Variants in PDE11A observed in about 807,000 individuals in gnomAD.
PDE11A encodes phosphodiesterase 11A, also known as dual 3',5'-cyclic-AMP and -GMP phosphodiesterase 11A.
PDE11A carries 100 observed loss-of-function variants against 100.5 expected under a neutral mutation model. That is an observed-to-expected ratio of 1.00 (90% CI 0.85 to 1.18). The LOEUF is 1.18. Among genes scored for constraint, PDE11A ranks in the 50% most tolerant of loss-of-function variants. PDE11A has a pLI of 0.00. For missense variants in PDE11A, 1,141 were observed against 1,152.6 expected (o/e 0.99, Z 0.15); for synonymous variants, 381 against 420.8 (o/e 0.91, Z 1.16).
intron 1 of PDE11A, among the ~76,000 whole-genome samples, chr2:178,041,067 G>A (rs996322571): frequency 5.9e-5 from 9 of 151,890 alleles, no homozygotes; most frequent in Admixed American, 3.9e-4. Flanking sequence ...AGCCTCCCAA[G>A]TAGCTAGAAC....
At chr2:177,887,617 G>A (rs1034563731) in intron 4 of PDE11A, among the ~76,000 whole-genome samples, 1 of 152,084 alleles carries the variant, frequency 6.6e-6, no homozygotes, top group African/African-American at 2.4e-5. Flanking sequence ...AGCTGGATGT[G>A]GTGGTGTGCA....
intron 6 of PDE11A, among the ~76,000 whole-genome samples, chr2:177,829,439 G>C (rs1050502574): frequency 6.6e-6 from 1 of 150,796 alleles, no homozygotes; most frequent in Non-Finnish European, 1.5e-5. Flanking sequence ...ATTAGGGTAT[G>C]ATAGGCAAAA....
At chr2:177,722,500 A>G (rs2081545354) in intron 12 of PDE11A, among the ~76,000 whole-genome samples, 1 of 152,158 alleles carries the variant, frequency 6.6e-6, no homozygotes, top group African/African-American at 2.4e-5. Context: ...TTTTTCTTTT[A>G]TAAAATAAAT....
At chr2:177,839,237 AG>A (rs2083449498) in intron 6 of PDE11A, among the ~76,000 whole-genome samples, 3 of 152,152 alleles carry the variant, frequency 2.0e-5, no homozygotes, top group African/African-American at 7.2e-5. Flanking sequence ...TGGGCTGTGG[AG>A]TTTGAGAGGT....
At chr2:177,753,204 G>A (rs1285112849) in intron 10 of PDE11A, among the ~76,000 whole-genome samples, 1 of 152,164 alleles carries the variant, frequency 6.6e-6, no homozygotes, top group Admixed American at 6.5e-5. Flanking sequence ...CCAACATGTA[G>A]CCTGAAGTGC....
At chr2:177,680,975 A>G (rs950751061) in intron 15 of PDE11A, 72 bp from the exon 16 acceptor site, 1 of 799,586 alleles carries the variant, frequency 1.3e-6, no homozygotes, top group Non-Finnish European at 2.1e-6. Context: ...GTGGGGTGAC[A>G]TAAACACATC....
chr2:177,908,740 T>G (rs763162103), intron 2 of PDE11A, among the ~76,000 whole-genome samples: 8 of 152,134 alleles, frequency 5.3e-5, no homozygotes, highest in Non-Finnish European at 1.2e-4. Context: ...GGTTCCAGTC[T>G]TAGCCCAGTG....
intron 1 of PDE11A, among the ~76,000 whole-genome samples, chr2:178,026,108 C>T (rs1344429850): frequency 6.7e-6 from 1 of 150,278 alleles, no homozygotes; most frequent in East Asian, 1.9e-4. Context: ...TCATCAGAAC[C>T]TAACACAGAC....
intron 12 of PDE11A, among the ~76,000 whole-genome samples, chr2:177,713,026 T>A (rs1272031332): frequency 6.6e-6 from 1 of 152,100 alleles, no homozygotes; most frequent in Non-Finnish European, 1.5e-5. Context: ...ATTTTTTTTT[T>A]AGGAGACAGT....
intron 1 of PDE11A, among the ~76,000 whole-genome samples, chr2:178,016,131 A>ATTTTTTTTTTTTTTTTTTTTTT: frequency 2.4e-5 from 2 of 83,744 alleles, no homozygotes; most frequent in Non-Finnish European, 4.2e-5. Context: ...TGCCTGGCTA[A>ATTTTTTTTTTTTTTTTTTTTTT]TTTTTTTTTT....
Position 177,845,149 on chromosome 2 carries a change from C to A in PDE11A, c.1368-4766G>T, listed in dbSNP as rs1184882157. On this transcript the variant is annotated intron_variant, in intron 5 of 19. Transcript: ENST00000286063. ...GGCGCTCCTCACCTCCCGGACGGGG[C>A]GGCTGGCCGGGCGGGGGGCTGACCC... Among the ~76,000 whole-genome samples the A allele has an allele frequency of 7.3e-3, 1,086 of 148,150 alleles. 11 individuals are homozygous for A. The highest frequency in any genetic ancestry group is 0.025 in the African/African-American group (1,010 of 40,070).
At chr2:177,792,921 T>C (rs2082652876) in intron 9 of PDE11A, among the ~76,000 whole-genome samples, 1 of 152,062 alleles carries the variant, frequency 6.6e-6, no homozygotes. Context: ...AGTAGCAAAA[T>C]GCGAAAGAAA....
In PDE11A at chr2:177,629,495, CACTT is replaced by C. The variant is rs1421369658; in HGVS notation, c.2710_2713del (p.Lys904GlyfsTer23). ...CAGTCGTTTTTGGTGTAGCTCTTCC[CACTT>C]ACTTCTGTTTGTAGCTACTGAATCT... On this transcript the variant is annotated frameshift_variant, in exon 20 of 20. Coordinates refer to ENST00000286063, the MANE Select transcript of PDE11A (RefSeq NM_016953.4). LOFTEE classifies it low-confidence loss of function (END_TRUNC). 3 of 1,613,824 alleles carry C rather than the reference CACTT, an allele frequency of 1.9e-6. No individual in the cohort carries two copies. In the African/African-American group the frequency reaches 4.0e-5, roughly 22 times the overall value.
chr2:177,891,930 C>T (rs1321144173), intron 4 of PDE11A, among the ~76,000 whole-genome samples: 1 of 152,198 alleles, frequency 6.6e-6, no homozygotes, highest in Non-Finnish European at 1.5e-5. Context: ...TCCTTCCTCT[C>T]ACTGGTTAAT....
intron 19 of PDE11A, among the ~76,000 whole-genome samples, chr2:177,651,234 A>G: frequency 6.6e-6 from 1 of 152,160 alleles, no homozygotes; most frequent in East Asian, 1.9e-4. Flanking sequence ...TTATTATCCA[A>G]ATTTACAGCA....
intron 15 of PDE11A, among the ~76,000 whole-genome samples, chr2:177,683,902 T>G (rs1165494995): frequency 6.6e-6 from 1 of 152,202 alleles, no homozygotes; most frequent in Non-Finnish European, 1.5e-5. Flanking sequence ...TTCACATTGC[T>G]GAGCCTTAGT....
intron 14 of PDE11A, among the ~76,000 whole-genome samples, chr2:177,698,053 C>T (rs1276291371): frequency 1.3e-5 from 2 of 152,100 alleles, no homozygotes; most frequent in Admixed American, 6.5e-5. Flanking sequence ...CAGGAGACCC[C>T]CACAACAAAG....
At chr2:178,035,351 C>T (rs2086599224) in intron 1 of PDE11A, among the ~76,000 whole-genome samples, 1 of 152,106 alleles carries the variant, frequency 6.6e-6, no homozygotes, top group African/African-American at 2.4e-5. Context: ...CTGAATAGAC[C>T]AATAACAAGT....
intron 1 of PDE11A, among the ~76,000 whole-genome samples, chr2:178,053,461 G>A (rs529981806): frequency 2.6e-5 from 4 of 152,262 alleles, no homozygotes; most frequent in African/African-American, 4.8e-5. Context: ...CAGAAGACAG[G>A]GATGCCCTCT....
Sources: allele counts gnomAD v4.1 joint callset (sites outside exome capture counted in the v4.1 genomes callset), GRCh38; gene constraint gnomAD v4.1.1; transcripts MANE v1.5; gene names NCBI Gene and HGNC (gene_info 2026-07-23, HGNC 2026-07-21).